The following TTC6 variants were observed in gnomAD, a reference collection of about 807,000 sequenced individuals.
TTC6 encodes the protein tetratricopeptide repeat protein 6.
TTC6 carries 172 observed loss-of-function variants against 210.4 expected under a neutral mutation model. The ratio of observed to expected loss-of-function variants is 0.82; its 90% CI spans 0.72 to 0.93. TTC6 has a LOEUF of 0.93. TTC6 is among the 40% of genes least tolerant of loss of function. The probability of loss-of-function intolerance (pLI) is 0.00; values close to 1 mark genes in which losing one functional copy is unlikely to be tolerated. For synonymous variants in TTC6, 804 were observed against 819.6 expected, an observed-to-expected ratio of 0.98 and a Z score of 0.32; for missense variants, 2,414 against 2,318.1, an observed-to-expected ratio of 1.04 and a Z score of -0.85.
At chr14:37,705,881 T>A (rs1433426143) in intron 5 of TTC6, among the ~76,000 whole-genome samples, 2 of 152,164 alleles carry the variant, frequency 1.3e-5, no homozygotes, top group Admixed American at 6.6e-5. Context: ...GGGGAAAGAA[T>A]GTTTTAGATC....
intron 1 of TTC6, among the ~76,000 whole-genome samples, chr14:37,660,893 T>C (rs2138408466): frequency 6.6e-6 from 1 of 152,324 alleles, no homozygotes; most frequent in East Asian, 1.9e-4. Flanking sequence ...TGGCATGAGA[T>C]GGTATCTTAT....
intron 6 of TTC6, among the ~76,000 whole-genome samples, chr14:37,722,836 A>G (rs2095864498): frequency 6.6e-6 from 1 of 152,154 alleles, no homozygotes; most frequent in Admixed American, 6.5e-5. Context: ...CCCTTTCCAT[A>G]TTATTCAGAA....
chr14:37,674,404 G>T (rs1409327295), intron 1 of TTC6, among the ~76,000 whole-genome samples: 1 of 151,926 alleles, frequency 6.6e-6, no homozygotes, highest in East Asian at 1.9e-4. Flanking sequence ...AATTATGATG[G>T]TACCAATAGG....
chr14:37,660,702 T>C (rs2095735645), intron 1 of TTC6, among the ~76,000 whole-genome samples: 4 of 152,208 alleles, frequency 2.6e-5, no homozygotes, highest in Admixed American at 2.0e-4. Context: ...TTTGGGTATA[T>C]ACCTCATAGT....
At chr14:37,753,023 T>G (rs1192232626) in intron 13 of TTC6, 76 bp from the exon 16 acceptor site, 11 of 1,161,048 alleles carry the variant, frequency 9.5e-6, no homozygotes, top group Non-Finnish European at 1.2e-5. Context: ...AAACATAGTT[T>G]TAGATCACTT....
At chr14:37,627,416 C>G (rs2095662184) in intron 1 of TTC6, among the ~76,000 whole-genome samples, 1 of 152,052 alleles carries the variant, frequency 6.6e-6, no homozygotes, top group Non-Finnish European at 1.5e-5. Flanking sequence ...AACCCATCAT[C>G]TACGTTAGGT....
chr14:37,780,822 C>G lies in TTC6; in HGVS notation c.3267-6646C>G, dbSNP rs147437355. ...GACCCCGGTGTGTGGTGATCCCCTC[C>G]CTGTGTCTATGTGTTCTCGTTGTTC... On this transcript the variant is annotated intron_variant, in intron 14 of 30. Transcript: ENST00000553443. 1.5e-3 allele frequency among the ~76,000 whole-genome samples: 221 copies of G among 152,152 alleles called. 1 individual carries two copies. The highest frequency in any genetic ancestry group is 5.1e-3 in the African/African-American group (210 of 41,532).
In TTC6 at chr14:37,696,715, A is replaced by T; in HGVS notation, c.1258-2A>T. The T allele has an allele frequency of 5.6e-6, 8 of 1,425,864 alleles. No homozygotes were observed. The highest frequency in any genetic ancestry group is 7.4e-6 in the Non-Finnish European group (8 of 1,087,066). The allele number at this position is 1,425,864 out of a possible 1,614,324, so 88.3% of individuals were successfully genotyped here. ...AACAGCACACTTTATATTTTCTTAA[A>T]GGCAAAATCACCAGAATTCTTGCAA... On this transcript the variant is annotated splice_acceptor_variant, in intron 3 of 30. Transcript: ENST00000553443. LOFTEE classifies it high-confidence loss of function.
chr14:37,667,896 G>T (rs968872653), intron 1 of TTC6, among the ~76,000 whole-genome samples: 1 of 150,602 alleles, frequency 6.6e-6, no homozygotes, highest in African/African-American at 2.4e-5. Context: ...CCAGCACTTT[G>T]GGAGGCTGAG....
intron 14 of TTC6, among the ~76,000 whole-genome samples, chr14:37,758,928 T>A (rs901590800): frequency 1.3e-5 from 2 of 152,182 alleles, no homozygotes; most frequent in Non-Finnish European, 2.9e-5. Flanking sequence ...AGGATTCTAT[T>A]TCTCCTTCAC....
chr14:37,796,512 C>A, intron 19 of TTC6, 142 bp downstream of exon 21: 1 of 530,178 alleles, frequency 1.9e-6, no homozygotes, highest in Non-Finnish European at 3.3e-6. Flanking sequence ...ATGTACATTG[C>A]CAATTAGTAA....
In TTC6 at chr14:37,696,152, C is replaced by G. The variant is rs1187560029; in HGVS notation, c.1258-565C>G. On this transcript the variant is annotated intron_variant, in intron 3 of 30. Transcript: ENST00000553443. ...CTACCTAACATAAAAAAATTAACTT[C>G]CTTTTATCTGGCTACCTTCTACTTA... 6.6e-5 allele frequency among the ~76,000 whole-genome samples: 10 copies of G among 152,220 alleles called. No homozygotes were observed. In the East Asian group the frequency reaches 1.2e-3, roughly 18 times the overall value.
chr14:37,839,402 A>G (rs1392738141), intron 29 of TTC6, among the ~76,000 whole-genome samples: 1 of 152,170 alleles, frequency 6.6e-6, no homozygotes, highest in East Asian at 1.9e-4. Context: ...ACCAGTGATG[A>G]TGAGCATTTT....
At chr14:37,637,809 A>G (rs2095683868) in intron 1 of TTC6, among the ~76,000 whole-genome samples, 1 of 152,186 alleles carries the variant, frequency 6.6e-6, no homozygotes, top group Non-Finnish European at 1.5e-5. Flanking sequence ...TGTCTAAAAT[A>G]ATAATTAAAA....
At chr14:37,651,697 G>A (rs993955318) in intron 1 of TTC6, among the ~76,000 whole-genome samples, 5 of 151,812 alleles carry the variant, frequency 3.3e-5, no homozygotes, top group East Asian at 1.9e-4. Context: ...TGAGGCGGGC[G>A]GATGCTTGAG....
At chr14:37,806,294 C>T (rs2096118402) in intron 21 of TTC6, 67 bp from the exon 24 acceptor site, 12 of 1,390,404 alleles carry the variant, frequency 8.6e-6, no homozygotes, top group South Asian at 4.5e-5. Flanking sequence ...TACTGTAATT[C>T]GTTAACATTT....
At chr14:37,648,242 A>G (rs1385060113) in intron 1 of TTC6, among the ~76,000 whole-genome samples, 6 of 152,208 alleles carry the variant, frequency 3.9e-5, no homozygotes, top group Admixed American at 3.9e-4. Flanking sequence ...GAGTTTTACC[A>G]CTAAGCATGT....
chr14:37,619,018 T>C (rs953050730), upstream of TTC6, among the ~76,000 whole-genome samples: 4 of 152,196 alleles, frequency 2.6e-5, no homozygotes, highest in Non-Finnish European at 5.9e-5. Flanking sequence ...AGTGTTGATA[T>C]GAACATATTG....
At chr14:37,747,388 G>A (rs1454494924) in intron 10 of TTC6, among the ~76,000 whole-genome samples, 1 of 152,146 alleles carries the variant, frequency 6.6e-6, no homozygotes, top group Non-Finnish European at 1.5e-5. Flanking sequence ...AAAGTACAAG[G>A]AAACCAGAAA....
Sources: gnomAD v4.1 joint callset for allele counts (sites outside exome capture counted in the v4.1 genomes callset) on GRCh38, gnomAD v4.1.1 for gene constraint, MANE v1.5 for transcripts, NCBI Gene and HGNC (gene_info 2026-07-23, HGNC 2026-07-21) for gene names.